PAN2: variants seen among roughly 807,000 people sequenced by gnomAD.
The protein encoded by PAN2 is poly(A) specific ribonuclease subunit PAN2, also known as PAN2-PAN3 deadenylation complex catalytic subunit PAN2.
A neutral mutation model predicts 133.3 loss-of-function variants in PAN2; 68 were observed. That is an observed-to-expected ratio of 0.51 (90% CI 0.42 to 0.62). The LOEUF (loss-of-function observed/expected upper bound fraction) is 0.62. Among genes scored for constraint, PAN2 ranks in the 20% least tolerant of loss-of-function variants. The pLI is 0.00. For synonymous variants in PAN2, 462 were observed against 544.6 expected (o/e 0.85, Z 2.11); for missense variants, 1,042 against 1,500.5 (o/e 0.69, Z 5.05).
intron 2 of PAN2, among the ~76,000 whole-genome samples, chr12:56,330,822 G>A (rs1025995325): frequency 6.6e-6 from 1 of 151,250 alleles, no homozygotes; most frequent in East Asian, 2.0e-4. Context: ...TTTTTGAGAC[G>A]GAGTCTTGCC....
Position 56,317,543 on chromosome 12 carries a change from C to T in PAN2, c.*66G>A, listed in dbSNP as rs1015607257. On this transcript the variant is annotated 3_prime_UTR_variant, in exon 26 of 26. Transcript: ENST00000440411. ...GACAAGGTATAGCCAACTTAGGAAG[C>T]CATCTCCCAGTTCTGGGGCTATAGA... 2 of 1,415,646 alleles carry T rather than the reference C, an allele frequency of 1.4e-6. No individual in the cohort carries two copies. The highest frequency in any genetic ancestry group is 2.8e-5 in the African/African-American group (2 of 71,076). 87.7% of individuals were successfully genotyped at this position (1,415,646 alleles called of 1,614,324 possible). A position where few individuals can be genotyped will look rare whatever the true frequency, so the allele number is the denominator to read the frequency against.
intron 24 of PAN2, among the ~76,000 whole-genome samples, chr12:56,318,826 G>A (rs1391619529): frequency 1.3e-5 from 2 of 152,038 alleles, no homozygotes; most frequent in East Asian, 3.9e-4. Context: ...CACCCAATAC[G>A]TAATTTTCAA....
chr12:56,333,280 G>A, intron 1 of PAN2, 72 bp from the exon 2 acceptor site: 2 of 604,772 alleles, frequency 3.3e-6, no homozygotes, highest in Non-Finnish European at 5.8e-6. Flanking sequence ...CTAGGTTATG[G>A]GGGCAGGAGG....
At position 56,317,644 on chromosome 12, in the gene PAN2, C is replaced by T. The variant is rs1451137864; in HGVS notation, c.3563-1G>A. The T allele has an allele frequency of 6.2e-7, 1 of 1,613,504 alleles. No individual in the cohort carries two copies. The highest frequency in any genetic ancestry group is 1.7e-5 in the Admixed American group (1 of 60,008). ...AGCACTGAGGAGAAGACAGCTGCAT[C>T]TGTCAGAGACAAAACCAAAAGCATG... On this transcript the variant is annotated splice_acceptor_variant, in intron 25 of 25. Coordinates refer to ENST00000440411, the MANE Select transcript of PAN2 (RefSeq NM_014871.6). LOFTEE classifies it high-confidence loss of function.
intron 7 of PAN2, 22 bp downstream of exon 7, chr12:56,326,595 T>G: frequency 6.3e-7 from 1 of 1,594,710 alleles, no homozygotes; most frequent in East Asian, 2.3e-5. Context: ...TCCCGCCTTT[T>G]GGCCCAGAGG....
chr12:56,328,939 G>T (rs1010347459), intron 2 of PAN2, among the ~76,000 whole-genome samples: 3 of 152,192 alleles, frequency 2.0e-5, no homozygotes, highest in Non-Finnish European at 4.4e-5. Context: ...GTATATAGAA[G>T]GTCAGGGACA....
At chr12:56,332,531 G>A (rs1389759881) in intron 2 of PAN2, among the ~76,000 whole-genome samples, 1 of 150,982 alleles carries the variant, frequency 6.6e-6, no homozygotes, top group Admixed American at 6.6e-5. Flanking sequence ...GGAGATTGAG[G>A]CTGCAGTGAG....
Position 56,328,526 on chromosome 12 carries a change from G to T in PAN2, c.398C>A (p.Thr133Asn), listed in dbSNP as rs762946032. The T allele has an allele frequency of 1.9e-6, 3 of 1,614,088 alleles. No homozygotes were observed. Among genetic ancestry groups the T allele is most frequent in the African/African-American group, 1.3e-5 (1 of 74,942 alleles). The change falls in exon 3 of 26, where the codon ACC (threonine) becomes AAC (asparagine). Residue 133 changes from threonine (T) to asparagine (N), a missense_variant. Physicochemically the swap from Thr to Asn is moderately conservative, Grantham distance 65. Coordinates refer to ENST00000440411, the MANE Select transcript of PAN2 (RefSeq NM_014871.6). ...QSLENGILFL[T>N]KNNLKYMARG... Reference sequence around the variant, plus strand: ...GGCCATATACTTGAGGTTGTTCTTGGTGAGAAAAAGGATACCATTCTCCAG... The same window carrying T: ...GGCCATATACTTGAGGTTGTTCTTGTTGAGAAAAAGGATACCATTCTCCAG...
At chr12:56,327,690 C>G in intron 5 of PAN2, 59 bp from the exon 6 acceptor site, 2 of 1,573,852 alleles carry the variant, frequency 1.3e-6, no homozygotes, top group Non-Finnish European at 1.7e-6. Flanking sequence ...TACCTGCCAC[C>G]TACCTAACCC....
rs1291532574 is a variant in PAN2 at position 56,319,058 on chromosome 12, A to G, written c.3364+30T>C. On this transcript the variant is annotated intron_variant, in intron 24 of 25. Transcript: ENST00000440411. This position sits in a 1 kb window ranked among gnomAD's most constrained non-coding sequence, Gnocchi z 5.4. ...AAATGGCTGCTTCTGCTATTAATGT[A>G]GCAGGGGCCTACAAGGCAGAGCAAC... 6.2e-7 allele frequency: 1 copy of G among 1,603,624 alleles called. No individual in the cohort carries two copies. Among genetic ancestry groups the G allele is most frequent in the Non-Finnish European group, 8.5e-7 (1 of 1,170,560 alleles).
At chr12:56,326,130 A>G (rs2135978416) in intron 8 of PAN2, among the ~76,000 whole-genome samples, 183 bp downstream of exon 8, 1 of 152,292 alleles carries the variant, frequency 6.6e-6, no homozygotes, top group South Asian at 2.1e-4. Flanking sequence ...CCAAATACTA[A>G]ACTTCCTAAC....
chr12:56,322,777 GGCT>G lies in PAN2; in HGVS notation c.2494-22_2494-20del. ...GGCCCCACTGTGAGGGGGGTACCCA[GGCT>G]GCTAAGCTAAGTTTAAGGATGGGGA... On this transcript the variant is annotated intron_variant, in intron 17 of 25. Transcript: ENST00000440411. 6.2e-7 allele frequency: 1 copy of G among 1,607,180 alleles called. No individual in the cohort carries two copies. The highest frequency in any genetic ancestry group is 8.5e-7 in the Non-Finnish European group (1 of 1,178,050).
In PAN2 at chr12:56,318,600, C is replaced by T. The variant is rs1592427364; in HGVS notation, c.3365-166G>A. The T allele has an allele frequency of 1.3e-5, 8 of 597,820 alleles. No individual in the cohort carries two copies. In the East Asian group the frequency reaches 2.2e-4, roughly 17 times the overall value. 37.0% of individuals were successfully genotyped at this position (597,820 alleles called of 1,614,324 possible). ...GAAGGGATATTGAAGTTAATTAAAT[C>T]CATTAGTAACTGTCACCACTAACTG... is the stretch of plus-strand genomic sequence containing the variant. On this transcript the variant is annotated intron_variant, in intron 24 of 25. Coordinates refer to ENST00000440411, the MANE Select transcript of PAN2 (RefSeq NM_014871.6).
At position 56,328,322 on chromosome 12, in the gene PAN2, C is replaced by T. The variant is rs1305604113; in HGVS notation, c.489G>A (p.Leu163=). 1.2e-6 allele frequency: 2 copies of T among 1,608,160 alleles called. No individual in the cohort carries two copies. Among genetic ancestry groups the T allele is most frequent in the Non-Finnish European group, 1.7e-6 (2 of 1,176,880 alleles). The change falls in exon 4 of 26, where the codon CTG becomes CTA. Residue 163 remains leucine (L), a synonymous_variant. Transcript: ENST00000440411. ...CAACGAGTAGAGTGCTGCTGTCAGT[C>T]AGTAGGAGACTGTGCATATCCTCAT... ...DENEDMHSLL[L]TDSSTLLVGG...
rs764287648 is a variant in PAN2, at chr12:56,326,742, G to C, written c.1137C>G (p.Leu379=). ...AGTCCAGAGGAGGCAGTGAGTCCAC[G>C]AGACACGGCAAAGCAAACTCAGTCT... ...SRETEFALPC[L]VDSLPPLDWS... is the part of the protein sequence containing the mutation. The change falls in exon 7 of 26, where the codon CTC becomes CTG. Residue 379 remains leucine (L), a synonymous_variant. Transcript: ENST00000440411. The C allele has an allele frequency of 5.0e-6, 8 of 1,614,152 alleles. No individual in the cohort carries two copies. The highest frequency in any genetic ancestry group is 1.1e-5 in the South Asian group (1 of 91,086).
chr12:56,333,228 G>C lies in PAN2; in HGVS notation c.-114-20C>G. 2 of 913,542 alleles carry C rather than the reference G, an allele frequency of 2.2e-6. No individual in the cohort carries two copies. The highest frequency in any genetic ancestry group is 3.3e-6 in the Non-Finnish European group (2 of 602,144). The allele number at this position is 913,542 out of a possible 1,614,324, so 56.6% of individuals were successfully genotyped here. A position where few individuals can be genotyped will look rare whatever the true frequency, so the allele number is the denominator to read the frequency against. ...CCTGGCCTGTAAGGGGAAAGAGGTA[G>C]CTGAGTCAAGGGTAGGCCCAGGTAC... On this transcript the variant is annotated intron_variant, in intron 1 of 25. Coordinates refer to ENST00000440411, the MANE Select transcript of PAN2 (RefSeq NM_014871.6).
chr12:56,319,568 C>T lies in PAN2; in HGVS notation c.3090+53G>A. ...TATCACTCTTCCCTGGGTTCTTGAG[C>T]ACTGTAAGTAAGCACCAGGGTGTGC... On this transcript the variant is annotated intron_variant, in intron 22 of 25. Coordinates refer to ENST00000440411, the MANE Select transcript of PAN2 (RefSeq NM_014871.6). This position sits in a 1 kb window ranked among gnomAD's most constrained non-coding sequence, Gnocchi z 5.4. 6.3e-7 allele frequency: 1 copy of T among 1,588,322 alleles called. No homozygotes were observed. Among genetic ancestry groups the T allele is most frequent in the Admixed American group, 1.7e-5 (1 of 57,218 alleles).
Position 56,328,263 on chromosome 12 carries a change from A to T in PAN2, c.548T>A (p.Leu183His). The T allele has an allele frequency of 3.1e-6, 5 of 1,605,246 alleles. No homozygotes were observed. Among genetic ancestry groups the T allele is most frequent in the Non-Finnish European group, 3.4e-6 (4 of 1,175,324 alleles). ...GLQNHIIEID[L>H]NTVQETQKYA... Reference sequence around the variant, plus strand: ...CTTCTGAGTCTCCTGGACAGTGTTAAGATCAATCTCTATTATGTGATTCTG... The same window carrying T: ...CTTCTGAGTCTCCTGGACAGTGTTATGATCAATCTCTATTATGTGATTCTG... Residue 183 changes from leucine to histidine, a missense_variant, in exon 4 of 26, where the codon CTT (leucine) becomes CAT (histidine). This residue lies in a region of PAN2 where 908 missense variants were observed against 1,223.5 expected (regional missense o/e 0.74). Coordinates refer to ENST00000440411, the MANE Select transcript of PAN2 (RefSeq NM_014871.6).
At chr12:56,330,353 C>CTTTTTT (rs10525866) in intron 2 of PAN2, among the ~76,000 whole-genome samples, 89 of 92,644 alleles carry the variant, frequency 9.6e-4, no homozygotes, top group Non-Finnish European at 1.2e-3. Context: ...CTGTATTTTT[C>CTTTTTT]TTTTTTTTTT....
Sources: allele counts gnomAD v4.1 joint callset (sites outside exome capture counted in the v4.1 genomes callset), GRCh38; gene constraint gnomAD v4.1.1; regional missense constraint gnomAD v4.1.1; non-coding constraint Gnocchi (gnomAD v3.1); transcripts MANE v1.5; gene names NCBI Gene and HGNC (gene_info 2026-07-23, HGNC 2026-07-21).